GPC2: variants seen among roughly 807,000 people sequenced by gnomAD.
GPC2 encodes glypican-2.
Under a neutral mutation model 57.3 loss-of-function variants are expected in GPC2, and 42 were observed. That is an observed-to-expected ratio of 0.73 (90% CI 0.57 to 0.95). The LOEUF (loss-of-function observed/expected upper bound fraction) is 0.95. Ranked by LOEUF, GPC2 falls within the 40% of genes least tolerant of loss-of-function variation. The probability of loss-of-function intolerance (pLI) is 0.00; values close to 1 mark genes in which losing one functional copy is unlikely to be tolerated. For missense variants in GPC2, 745 were observed against 793.6 expected, an observed-to-expected ratio of 0.94 and a Z score of 0.74; for synonymous variants, 364 against 343.4, an observed-to-expected ratio of 1.06 and a Z score of -0.66.
rs1799151893 is a variant in GPC2 at position 100,170,169 on chromosome 7, C to A, written c.*61G>T. The A allele has an allele frequency of 6.8e-7, 1 of 1,475,030 alleles. No individual in the cohort carries two copies. Among genetic ancestry groups the A allele is most frequent in the East Asian group, 2.5e-5 (1 of 39,242 alleles). 91.4% of individuals were successfully genotyped at this position (1,475,030 alleles called of 1,614,324 possible). The stretch of plus-strand genomic sequence containing the variant: ...CCCTTCGACTCCTCCCCAGGCCCAG[C>A]TGAGGGGGGAGGAGGGGAAAGGGCC... On this transcript the variant is annotated 3_prime_UTR_variant, in exon 10 of 10. Transcript: ENST00000292377.
intron 1 of GPC2, 34 bp downstream of exon 1, chr7:100,177,000 C>T (rs1467337556): frequency 7.0e-6 from 3 of 431,204 alleles, no homozygotes; most frequent in African/African-American, 2.3e-5. Context: ...CCGCCCCCCA[C>T]CCCCAATTCT....
In GPC2 at chr7:100,171,720, C is replaced by T. The variant is rs746270734; in HGVS notation, c.1171-42G>A. Reference sequence around the variant, plus strand: ...GGGCGGGGCGAGCTGGAGCGCGACCCCCACAACCATCCCCGGCCCCGGGCC... The same window carrying T: ...GGGCGGGGCGAGCTGGAGCGCGACCTCCACAACCATCCCCGGCCCCGGGCC... On this transcript the variant is annotated intron_variant, in intron 7 of 9. Transcript: ENST00000292377. The surrounding 1 kb of genome is among the most constrained non-coding windows in gnomAD (Gnocchi z 4.8). 3 of 1,492,844 alleles carry T rather than the reference C, an allele frequency of 2.0e-6. No individual in the cohort carries two copies. In the South Asian group the frequency reaches 3.8e-5, roughly 19 times the overall value. 92.5% of individuals were successfully genotyped at this position (1,492,844 alleles called of 1,614,324 possible).
rs1411445635 is a variant in GPC2, at chr7:100,171,264, C to T, written c.1483G>A (p.Ala495Thr). The T allele has an allele frequency of 2.0e-6, 3 of 1,532,268 alleles. No individual in the cohort carries two copies. The highest frequency in any genetic ancestry group is 2.0e-4 in the Middle Eastern group (1 of 4,920). 94.9% of individuals were successfully genotyped at this position (1,532,268 alleles called of 1,614,324 possible). A position where few individuals can be genotyped will look rare whatever the true frequency, so the allele number is the denominator to read the frequency against. ...ALGHDLDGQD[A>T]DEDASGSGGG... ...CTCAGGGATGCAGGGGTCTCACCCG[C>T]GTCCTGCCCGTCCAGGTCGTGTCCC... Residue 495 changes from alanine (A) to threonine (T), a missense_variant, in exon 9 of 10, where the codon GCG (alanine) becomes ACG (threonine). Around this residue, in one of 2 missense-constraint regions of GPC2, gnomAD observed 607 missense variants for 603.9 expected, o/e 1.01. Coordinates refer to ENST00000292377, the MANE Select transcript of GPC2 (RefSeq NM_152742.3). This position sits in a 1 kb window ranked among gnomAD's most constrained non-coding sequence, Gnocchi z 4.8.
At chr7:100,172,732 T>C (rs148408040) in intron 5 of GPC2, among the ~76,000 whole-genome samples, 5,575 of 145,122 alleles carry the variant, frequency 0.038, 374 homozygotes, top group African/African-American at 0.14. Context: ...CGTATATATA[T>C]GTGTATATAT....
In GPC2 at chr7:100,171,427, C is replaced by T; in HGVS notation, c.1320G>A (p.Pro440=). 1.4e-6 allele frequency: 2 copies of T among 1,455,466 alleles called. No homozygotes were observed. The highest frequency in any genetic ancestry group is 2.0e-4 in the Middle Eastern group (1 of 4,980). 90.2% of individuals were successfully genotyped at this position (1,455,466 alleles called of 1,614,324 possible). A position where few individuals can be genotyped will look rare whatever the true frequency, so the allele number is the denominator to read the frequency against. Residue 440 remains proline (P), a synonymous_variant, in exon 9 of 10, where the codon CCG becomes CCA. Transcript: ENST00000292377. This position sits in a 1 kb window ranked among gnomAD's most constrained non-coding sequence, Gnocchi z 4.8. The part of the protein sequence containing the change: ...WTGAGRGRYL[P]PVVGGSPAEQ... ...CGGCCGGGGAGCCCCCGACCACTGG[C>T]GGCAAGTACCTGCGAGCAGAGCAGC...
chr7:100,170,946 C>T, intron 9 of GPC2: 2 of 358,232 alleles, frequency 5.6e-6, no homozygotes, highest in Non-Finnish European at 1.0e-5. Context: ...ATGTCACCCA[C>T]CACCCTGGCT....
chr7:100,172,700 T>TGTATATATATGTATATATACAC (rs1485820856), intron 5 of GPC2, among the ~76,000 whole-genome samples: 2 of 147,068 alleles, frequency 1.4e-5, no homozygotes, highest in African/African-American at 2.5e-5. Context: ...TATATATACG[T>TGTATATATATGTATATATACAC]GTATATATAT....
In GPC2 at chr7:100,171,435, A is replaced by G; in HGVS notation, c.1312T>C (p.Tyr438His). The G allele has an allele frequency of 6.9e-7, 1 of 1,447,656 alleles. No homozygotes were observed. The allele number at this position is 1,447,656 out of a possible 1,614,324, so 89.7% of individuals were successfully genotyped here. The change falls in exon 9 of 10, where the codon TAC becomes CAC. Residue 438 changes from tyrosine to histidine, a missense_variant and splice_region_variant. Physicochemically the swap from Tyr to His is moderately conservative, Grantham distance 83. This residue lies in a region of GPC2 where 607 missense variants were observed against 603.9 expected (regional missense o/e 1.01). Coordinates refer to ENST00000292377, the MANE Select transcript of GPC2 (RefSeq NM_152742.3). The surrounding 1 kb of genome is among the most constrained non-coding windows in gnomAD (Gnocchi z 4.8). ...GAGCCCCCGACCACTGGCGGCAAGT[A>G]CCTGCGAGCAGAGCAGCCCCGAAGC... ...PCWTGAGRGRYLPPVVGGSPA... is the reference protein window; with the variant it reads ...PCWTGAGRGRHLPPVVGGSPA...
At chr7:100,175,919 G>A in intron 2 of GPC2, 25 bp from the exon 3 acceptor site, 2 of 1,600,762 alleles carry the variant, frequency 1.2e-6, no homozygotes, top group African/African-American at 1.3e-5. Flanking sequence ...GGGAACAGGT[G>A]GAAGGCAGGT....
rs757893215 is a variant in GPC2, at chr7:100,175,677, C to G, written c.543G>C (p.Gln181His). Reference sequence around the variant, plus strand: ...GCAGGTAGTCAGGGGGGAAGCTGTACTGTGGGTGCAGCAGCGGGAACACTC... The same window carrying G: ...GCAGGTAGTCAGGGGGGAAGCTGTAGTGTGGGTGCAGCAGCGGGAACACTC... ...LERVFPLLHP[Q>H]YSFPPDYLLC... The change falls in exon 3 of 10, where the codon CAG becomes CAC. Residue 181 changes from glutamine (Q) to histidine (H), a missense_variant. By Grantham distance (24) the Gln-to-His change is conservative. Around this residue, in one of 2 missense-constraint regions of GPC2, gnomAD observed 607 missense variants for 603.9 expected, o/e 1.01. Coordinates refer to ENST00000292377, the MANE Select transcript of GPC2 (RefSeq NM_152742.3). 6.2e-7 allele frequency: 1 copy of G among 1,614,094 alleles called. No homozygotes were observed. The highest frequency in any genetic ancestry group is 8.5e-7 in the Non-Finnish European group (1 of 1,179,998).
chr7:100,172,775 G>A lies in GPC2; in HGVS notation c.893-558C>T, dbSNP rs569577144. Reference sequence around the variant, plus strand: ...TATATATATGTGTGTATATATATATGTGTGTGTATATATATACGTATATAT... The same window carrying A: ...TATATATATGTGTGTATATATATATATGTGTGTATATATATACGTATATAT... On this transcript the variant is annotated intron_variant, in intron 5 of 9. Coordinates refer to ENST00000292377, the MANE Select transcript of GPC2 (RefSeq NM_152742.3). 1.1e-4 allele frequency among the ~76,000 whole-genome samples: 16 copies of A among 140,722 alleles called. No individual in the cohort carries two copies. The East Asian group carries it at 2.8e-3, about 24-fold the overall frequency. The allele number at this position is 140,722 out of a possible 152,430, so 92.3% of individuals were successfully genotyped here. A position where few individuals can be genotyped will look rare whatever the true frequency, so the allele number is the denominator to read the frequency against.
Position 100,173,971 on chromosome 7 carries a change from C to T in GPC2, c.756G>A (p.Gln252=). 6.3e-7 allele frequency: 1 copy of T among 1,590,222 alleles called. No homozygotes were observed. The highest frequency in any genetic ancestry group is 8.6e-7 in the Non-Finnish European group (1 of 1,168,992). Residue 252 remains glutamine, a synonymous_variant, in exon 5 of 10, where the codon CAG becomes CAA. Coordinates refer to ENST00000292377, the MANE Select transcript of GPC2 (RefSeq NM_152742.3). ...GACAGCCGATGAGACGCATCAGAGC[C>T]TGGCTGCAGCCTTCAGACACCGGCA... ...LKVPVSEGCS[Q]ALMRLIGCPL... is the part of the protein sequence containing the mutation.
rs747705906 is a variant in GPC2 at position 100,175,821 on chromosome 7, C to G, written c.399G>C (p.Leu133=). 2 of 1,613,964 alleles carry G rather than the reference C, an allele frequency of 1.2e-6. No homozygotes were observed. The highest frequency in any genetic ancestry group is 1.7e-6 in the Non-Finnish European group (2 of 1,179,988). The change falls in exon 3 of 10, where the codon CTG becomes CTC. Residue 133 remains leucine (L), a synonymous_variant. Coordinates refer to ENST00000292377, the MANE Select transcript of GPC2 (RefSeq NM_152742.3). ...TQLFSHSYGR[L]YAQHALIFNG... ...TGAATATGAGGGCGTGCTGGGCATA[C>G]AGGCGGCCGTAGGAGTGGGAGAAGA...
Position 100,171,838 on chromosome 7 carries a change from A to G in GPC2, c.1111T>C (p.Ser371Pro). 6.4e-7 allele frequency: 1 copy of G among 1,562,638 alleles called. No individual in the cohort carries two copies. Among genetic ancestry groups the G allele is most frequent in the Non-Finnish European group, 8.6e-7 (1 of 1,162,884 alleles). The change falls in exon 7 of 10, where the codon TCG (serine) becomes CCG (proline). Residue 371 changes from serine to proline, a missense_variant. Ser to Pro is a moderately conservative substitution (Grantham distance 74, BLOSUM62 -1). Coordinates refer to ENST00000292377, the MANE Select transcript of GPC2 (RefSeq NM_152742.3). The surrounding 1 kb of genome is among the most constrained non-coding windows in gnomAD (Gnocchi z 4.8). ...PPREEAGRLW[S>P]MVTEEERPTT... ...GGCCGCTCCTCCTCGGTCACCATCG[A>G]CCACAGCCGGCCCGCCTCTTCCCGG...
In GPC2 at chr7:100,173,903, A is replaced by G. The variant is rs1278263733; in HGVS notation, c.824T>C (p.Phe275Ser). 1 of 1,606,140 alleles carries G rather than the reference A, an allele frequency of 6.2e-7. No homozygotes were observed. Residue 275 changes from phenylalanine to serine, a missense_variant, in exon 5 of 10, where the codon TTC becomes TCC. Phe to Ser is a radical substitution (Grantham distance 155). This residue lies in a region of GPC2 where 607 missense variants were observed against 603.9 expected (regional missense o/e 1.01). Transcript: ENST00000292377. ...GVPSLMPCQGFCLNVVRGCLS... is the reference protein window; with the variant it reads ...GVPSLMPCQGSCLNVVRGCLS... ...ACAGCCACGAACCACGTTGAGGCAG[A>G]AGCCCTGGCAGGGCATAAGTGAGGG... is the stretch of plus-strand genomic sequence containing the variant.
chr7:100,175,263 G>C (rs1799248016), intron 3 of GPC2, among the ~76,000 whole-genome samples: 2 of 152,228 alleles, frequency 1.3e-5, no homozygotes, highest in Admixed American at 1.3e-4. Context: ...AAGGTGTTAC[G>C]ATTAGGAAGG....
At chr7:100,172,687 A>ATATATATATATGTGTGTGTGTGTGTG (rs1562957583) in intron 5 of GPC2, among the ~76,000 whole-genome samples, 16 of 146,406 alleles carry the variant, frequency 1.1e-4, no homozygotes, top group African/African-American at 3.5e-4. Context: ...GTGTGTGTGT[A>ATATATATATATGTGTGTGTGTGTGTG]TATATATATA....
rs745497322 is a variant in GPC2, at chr7:100,170,360, C to A, written c.1610G>T (p.Gly537Val). 33 of 1,613,236 alleles carry A rather than the reference C, an allele frequency of 2.0e-5. No homozygotes were observed. The highest frequency in any genetic ancestry group is 6.7e-5 in the African/African-American group (5 of 74,872). ...GCGGGCACTGCCACCTCCTCCTTTG[C>A]CCCCAGAACCATCCCTTCTAGGAGG... ...PYPPRRDGSGGKGGGGSARYN... is the reference protein window; with the variant it reads ...PYPPRRDGSGVKGGGGSARYN... The change falls in exon 10 of 10, where the codon GGC (glycine) becomes GTC (valine). Residue 537 changes from glycine to valine, a missense_variant. Physicochemically the swap from Gly to Val is moderately radical, Grantham distance 109. Transcript: ENST00000292377.
rs1584629524 is a variant in GPC2 at position 100,171,418 on chromosome 7, G to A, written c.1329C>T (p.Val443=). 2.7e-6 allele frequency: 4 copies of A among 1,466,324 alleles called. No homozygotes were observed. The highest frequency in any genetic ancestry group is 3.6e-6 in the Non-Finnish European group (4 of 1,110,886). 90.8% of individuals were successfully genotyped at this position (1,466,324 alleles called of 1,614,324 possible). The change falls in exon 9 of 10, where the codon GTC becomes GTT. Residue 443 remains valine, a synonymous_variant. Coordinates refer to ENST00000292377, the MANE Select transcript of GPC2 (RefSeq NM_152742.3). The surrounding 1 kb of genome is among the most constrained non-coding windows in gnomAD (Gnocchi z 4.8). The part of the protein sequence containing the change: ...AGRGRYLPPV[V]GGSPAEQVNN... Reference sequence around the variant, plus strand: ...TGACCTGCTCGGCCGGGGAGCCCCCGACCACTGGCGGCAAGTACCTGCGAG... The same window carrying A: ...TGACCTGCTCGGCCGGGGAGCCCCCAACCACTGGCGGCAAGTACCTGCGAG...
Sources: gnomAD v4.1 joint callset for allele counts (sites outside exome capture counted in the v4.1 genomes callset) on GRCh38, gnomAD v4.1.1 for gene constraint, gnomAD v4.1.1 regional missense constraint, Gnocchi (gnomAD v3.1) non-coding constraint, MANE v1.5 for transcripts, NCBI Gene and HGNC (gene_info 2026-07-23, HGNC 2026-07-21) for gene names.